The following POU3F3 variants were observed in gnomAD, a reference collection of about 807,000 sequenced individuals.
POU3F3 encodes POU class 3 homeobox 3.
POU3F3 carries 1 observed loss-of-function variant against 8.6 expected under a neutral mutation model. The ratio of observed to expected loss-of-function variants is 0.12; its 90% confidence interval spans 0.04 to 0.55. The LOEUF (loss-of-function observed/expected upper bound fraction) is 0.55, where lower values mean the gene tolerates loss of function less well. Among genes scored for constraint, POU3F3 ranks in the 20% least tolerant of loss-of-function variants. POU3F3 has a pLI of 0.91. For synonymous variants in POU3F3, 418 were observed against 327.4 expected (o/e 1.28, Z -2.99); for missense variants, 577 against 690.7 (o/e 0.84, Z 1.84).
the POU3F3 span, among the ~76,000 whole-genome samples, chr2:104,887,265 C>A: frequency 2.3e-4 from 35 of 152,288 alleles, no homozygotes; most frequent in African/African-American, 7.2e-4. Context: ...CTTGTGCCAA[C>A]CTTCTATCTC....
the POU3F3 span, among the ~76,000 whole-genome samples, chr2:104,906,494 G>C: frequency 7.2e-5 from 11 of 152,110 alleles, no homozygotes; most frequent in Non-Finnish European, 1.5e-4. Context: ...TCTCCTTCTA[G>C]AATTGTCCTG....
chr2:104,863,673 G>T, the POU3F3 span, among the ~76,000 whole-genome samples: 1,442 of 152,256 alleles, frequency 9.5e-3, 27 homozygotes, highest in African/African-American at 0.033. Flanking sequence ...GGGTCTTCCC[G>T]GACTGTGGCC....
the POU3F3 span, among the ~76,000 whole-genome samples, chr2:104,879,462 A>G: frequency 4.6e-5 from 7 of 151,664 alleles, no homozygotes; most frequent in South Asian, 1.5e-3. Context: ...TTATTTTCCT[A>G]TTTCTCCTTA....
chr2:104,880,041 G>A, the POU3F3 span, among the ~76,000 whole-genome samples: 10 of 152,186 alleles, frequency 6.6e-5, no homozygotes, highest in Non-Finnish European at 1.3e-4. Context: ...ATACCTGCTC[G>A]TTCTTATCCA....
the POU3F3 span, among the ~76,000 whole-genome samples, chr2:104,889,999 G>A: frequency 6.6e-6 from 1 of 152,078 alleles, no homozygotes; most frequent in African/African-American, 2.4e-5. Context: ...GGCAGGCAGC[G>A]CACAGCAGTG....
At chr2:104,923,872 G>A in the POU3F3 span, among the ~76,000 whole-genome samples, 2 of 152,214 alleles carry the variant, frequency 1.3e-5, no homozygotes, top group African/African-American at 4.8e-5. Context: ...GAGAGCAGCA[G>A]TGGTTATAAA....
chr2:104,868,212 G>A, the POU3F3 span: 7 of 455,562 alleles, frequency 1.5e-5, no homozygotes, highest in East Asian at 4.2e-4. Flanking sequence ...GAGTTGGTGG[G>A]AGAGGCGCTG....
At chr2:104,882,335 T>C in the POU3F3 span, among the ~76,000 whole-genome samples, 1 of 148,696 alleles carries the variant, frequency 6.7e-6, no homozygotes, top group Admixed American at 6.7e-5. Flanking sequence ...CACTGCAACC[T>C]TCGCCTCCCA....
chr2:104,863,797 G>T, the POU3F3 span, among the ~76,000 whole-genome samples: 2 of 152,186 alleles, frequency 1.3e-5, no homozygotes, highest in Non-Finnish European at 2.9e-5. Context: ...ATAACCTTTC[G>T]CTCGGGTCCC....
At chr2:104,914,569 T>C in the POU3F3 span, among the ~76,000 whole-genome samples, 1 of 152,118 alleles carries the variant, frequency 6.6e-6, no homozygotes, top group Admixed American at 6.5e-5. Flanking sequence ...TGAAATTACA[T>C]TAATTAAGTA....
the POU3F3 span, among the ~76,000 whole-genome samples, chr2:104,870,158 C>T: frequency 2.7e-3 from 407 of 152,306 alleles, 3 homozygotes; most frequent in African/African-American, 8.9e-3. Flanking sequence ...CCATTTCATT[C>T]CACTGAGGTT....
chr2:104,873,421 C>T, the POU3F3 span, among the ~76,000 whole-genome samples: 1 of 152,086 alleles, frequency 6.6e-6, no homozygotes, highest in Non-Finnish European at 1.5e-5. Context: ...CCGCGCGCAG[C>T]TCCTCCCGTG....
At chr2:104,916,763 C>T in the POU3F3 span, among the ~76,000 whole-genome samples, 2 of 152,152 alleles carry the variant, frequency 1.3e-5, no homozygotes, top group African/African-American at 2.4e-5. Flanking sequence ...CTGGGGCCAT[C>T]TTAGAGGCTG....
the POU3F3 span, among the ~76,000 whole-genome samples, chr2:104,896,330 CG>C: frequency 6.6e-6 from 1 of 152,178 alleles, no homozygotes; most frequent in Non-Finnish European, 1.5e-5. Flanking sequence ...CCCCAGGCCA[CG>C]TGGTGCAATC....
the POU3F3 span, among the ~76,000 whole-genome samples, chr2:104,907,725 A>C: frequency 1.3e-5 from 2 of 152,196 alleles, no homozygotes; most frequent in Admixed American, 6.5e-5. Context: ...CAAGTAATAA[A>C]AATTTTGCCT....
the POU3F3 span, among the ~76,000 whole-genome samples, chr2:104,877,231 G>T: frequency 6.6e-6 from 1 of 152,116 alleles, no homozygotes; most frequent in Non-Finnish European, 1.5e-5. Flanking sequence ...AATCACGGTG[G>T]GTAGGAGCTT....
At chr2:104,920,057 C>T in the POU3F3 span, among the ~76,000 whole-genome samples, 1 of 152,158 alleles carries the variant, frequency 6.6e-6, no homozygotes, top group African/African-American at 2.4e-5. Context: ...CTCTGTTGCT[C>T]AGGCTGGAGT....
chr2:104,912,498 G>C, the POU3F3 span, among the ~76,000 whole-genome samples: 52 of 152,298 alleles, frequency 3.4e-4, no homozygotes, highest in African/African-American at 1.2e-3. Flanking sequence ...AGGATAATCT[G>C]CTCAGATTCA....
At chr2:104,910,297 G>T in the POU3F3 span, among the ~76,000 whole-genome samples, 1 of 152,126 alleles carries the variant, frequency 6.6e-6, no homozygotes, top group Non-Finnish European at 1.5e-5. Context: ...GGGCAACAGT[G>T]ATCGTTACAG....
Sources: gnomAD v4.1 joint callset for allele counts (sites outside exome capture counted in the v4.1 genomes callset) on GRCh38, gnomAD v4.1.1 for gene constraint, MANE v1.5 for transcripts, NCBI Gene and HGNC (gene_info 2026-07-23, HGNC 2026-07-21) for gene names.